TMEM132D: variants seen among roughly 807,000 people sequenced by gnomAD.
The protein encoded by TMEM132D is mature OL transmembrane protein.
TMEM132D carries 21 observed loss-of-function variants against 62.3 expected under a neutral mutation model. The ratio of observed to expected loss-of-function variants is 0.34; its 90% confidence interval spans 0.24 to 0.49. The LOEUF is 0.49. Among genes scored for constraint, TMEM132D ranks in the 20% least tolerant of loss-of-function variants. The pLI is 0.99. For synonymous variants in TMEM132D, 621 were observed against 575.6 expected (o/e 1.08, Z -1.13); for missense variants, 1,346 against 1,402.8 (o/e 0.96, Z 0.65).
chr12:129,176,104 A>G (rs1877898746), intron 5 of TMEM132D, among the ~76,000 whole-genome samples: 1 of 152,180 alleles, frequency 6.6e-6, no homozygotes. Context: ...CGTTGCGTGG[A>G]ACTAGACATC....
intron 3 of TMEM132D, among the ~76,000 whole-genome samples, chr12:129,357,437 GAAA>G (rs534016340): frequency 2.8e-5 from 4 of 143,222 alleles, no homozygotes; most frequent in South Asian, 4.5e-4. Flanking sequence ...CGGAAGGAAA[GAAA>G]AAAAGAAAAA....
chr12:129,769,971 C>A (rs908952167), intron 1 of TMEM132D, among the ~76,000 whole-genome samples: 53 of 151,802 alleles, frequency 3.5e-4, no homozygotes, highest in Middle Eastern at 3.4e-3. Context: ...CCACCACACC[C>A]GACGAACGTT....
intron 2 of TMEM132D, chr12:129,682,745 G>C (rs919391907): frequency 1.3e-5 from 2 of 151,208 alleles, no homozygotes; most frequent in Admixed American, 6.6e-5. Context: ...TGTAGTCCCA[G>C]CTACTCGGGA....
At chr12:129,777,173 G>C (rs768838078) in intron 1 of TMEM132D, among the ~76,000 whole-genome samples, 30 of 152,202 alleles carry the variant, frequency 2.0e-4, no homozygotes, top group South Asian at 6.2e-4. Context: ...CCAGGAATAG[G>C]AAGAGTGGTG....
At chr12:129,744,953 G>A (rs933087876) in intron 1 of TMEM132D, among the ~76,000 whole-genome samples, 6 of 152,082 alleles carry the variant, frequency 3.9e-5, no homozygotes, top group African/African-American at 7.2e-5. Context: ...ATCATGGGGC[G>A]GTTTCCCCCA....
chr12:129,481,891 T>A (rs1476147946), intron 3 of TMEM132D, among the ~76,000 whole-genome samples: 2 of 152,162 alleles, frequency 1.3e-5, no homozygotes, highest in Admixed American at 6.5e-5. Context: ...CCTACACACA[T>A]ACACACACAT....
At chr12:129,565,199 C>T (rs929439131) in intron 2 of TMEM132D, among the ~76,000 whole-genome samples, 2 of 152,132 alleles carry the variant, frequency 1.3e-5, no homozygotes, top group African/African-American at 2.4e-5. Flanking sequence ...ATCACCAGCC[C>T]CACACAGGTG....
At chr12:129,432,499 C>T (rs868243418) in intron 3 of TMEM132D, among the ~76,000 whole-genome samples, 9 of 152,306 alleles carry the variant, frequency 5.9e-5, no homozygotes, top group African/African-American at 7.2e-5. Context: ...TTGCCAAATA[C>T]GGGTGTATAA....
Position 129,203,151 on chromosome 12 carries a change from C to T in TMEM132D, c.1443+6369G>A, listed in dbSNP as rs906262573. 9.5e-4 allele frequency among the ~76,000 whole-genome samples: 145 copies of T among 152,158 alleles called. 1 individual carries two copies. Among genetic ancestry groups the T allele is most frequent in the Non-Finnish European group, 1.6e-4 (11 of 68,026 alleles). ...AGCCAACTACAGGTAGCCAACACCG[C>T]AAACCATGTTCAAATACAGCAGATG... On this transcript the variant is annotated intron_variant, in intron 5 of 8. Transcript: ENST00000422113.
At chr12:129,776,503 G>A (rs1870926956) in intron 1 of TMEM132D, among the ~76,000 whole-genome samples, 1 of 152,012 alleles carries the variant, frequency 6.6e-6, no homozygotes, top group Admixed American at 6.6e-5. Context: ...TTCTTTCTCA[G>A]GGACCAGTGG....
chr12:129,354,280 A>G (rs1869963027), intron 3 of TMEM132D, among the ~76,000 whole-genome samples: 1 of 151,472 alleles, frequency 6.6e-6, no homozygotes, highest in Admixed American at 6.6e-5. Context: ...TCCTGCATCT[A>G]TTTCCAGAGT....
chr12:129,760,829 C>T (rs903203263), intron 1 of TMEM132D, among the ~76,000 whole-genome samples: 1 of 151,982 alleles, frequency 6.6e-6, no homozygotes, highest in Non-Finnish European at 1.5e-5. Context: ...CAACCCCCAA[C>T]AGGCCCCGTG....
chr12:129,380,345 A>C (rs1328326429), intron 3 of TMEM132D, among the ~76,000 whole-genome samples: 7 of 152,236 alleles, frequency 4.6e-5, no homozygotes, highest in Non-Finnish European at 1.0e-4. Context: ...CACTTTCATC[A>C]TATTGATAAT....
intron 1 of TMEM132D, among the ~76,000 whole-genome samples, chr12:129,723,159 C>T (rs1868905892): frequency 6.6e-6 from 1 of 152,200 alleles, no homozygotes; most frequent in African/African-American, 2.4e-5. Flanking sequence ...AATTACTTTT[C>T]CGTCACTCTG....
At chr12:129,082,144 G>T (rs1593253579) in intron 6 of TMEM132D, 112 bp from the exon 7 acceptor site, 1 of 1,340,882 alleles carries the variant, frequency 7.5e-7, no homozygotes, top group Non-Finnish European at 1.0e-6. Flanking sequence ...AGACTTCAAG[G>T]AGTTTATAGC....
chr12:129,456,680 A>G (rs1426435951), intron 3 of TMEM132D, among the ~76,000 whole-genome samples: 1 of 152,138 alleles, frequency 6.6e-6, no homozygotes, highest in Non-Finnish European at 1.5e-5. Context: ...TTTTACCCAT[A>G]AACGGCAGAT....
rs35812965 is a variant in TMEM132D at position 129,304,662 on chromosome 12, CTT to C, written c.1299+32970_1299+32971del. ...CCCTAAATACCAAACATACTTGGAT[CTT>C]TTTTTTTTTTTTTTTTTTTTTTTGA... On this transcript the variant is annotated intron_variant, in intron 4 of 8. Transcript: ENST00000422113. Among the ~76,000 whole-genome samples, 657 of 93,604 alleles carry C rather than the reference CTT, an allele frequency of 7.0e-3. 2 individuals carry two copies. Among genetic ancestry groups the C allele is most frequent in the African/African-American group, 0.022 (550 of 24,600 alleles). The allele number at this position is 93,604 out of a possible 152,430, so 61.4% of individuals were successfully genotyped here.
At chr12:129,665,336 G>A (rs1280675226) in intron 2 of TMEM132D, among the ~76,000 whole-genome samples, 2 of 152,162 alleles carry the variant, frequency 1.3e-5, no homozygotes, top group African/African-American at 2.4e-5. Context: ...ATTGGAAGCT[G>A]CTCATGTCTT....
At chr12:129,373,741 G>C (rs1870695334) in intron 3 of TMEM132D, among the ~76,000 whole-genome samples, 1 of 152,154 alleles carries the variant, frequency 6.6e-6, no homozygotes, top group Non-Finnish European at 1.5e-5. Context: ...ATGTTCAGTG[G>C]TTCATCTGTA....
Sources: gnomAD v4.1 joint callset for allele counts (sites outside exome capture counted in the v4.1 genomes callset) on GRCh38, gnomAD v4.1.1 for gene constraint, MANE v1.5 for transcripts, NCBI Gene and HGNC (gene_info 2026-07-23, HGNC 2026-07-21) for gene names.